Variants in EXOSC4 observed in about 807,000 individuals in gnomAD.
The protein encoded by EXOSC4 is exosome component 4.
EXOSC4 carries 14 observed loss-of-function variants against 20.0 expected under a neutral mutation model. The observed-to-expected ratio is 0.70, with a 90% confidence interval of 0.46 to 1.09. EXOSC4 has a LOEUF of 1.09. Among genes scored for constraint, EXOSC4 ranks in the 50% least tolerant of loss-of-function variants. EXOSC4 has a pLI of 0.00. For missense variants in EXOSC4, 337 were observed against 334.0 expected, an observed-to-expected ratio of 1.01 and a Z score of -0.07; for synonymous variants, 148 against 146.4, an observed-to-expected ratio of 1.01 and a Z score of -0.08.
At chr8:144,076,710 G>A (rs745465765), upstream of EXOSC4, among the ~76,000 whole-genome samples, 1 of 152,170 alleles carries the variant, frequency 6.6e-6, no homozygotes, top group Non-Finnish European at 1.5e-5. Context: ...GAGTTGCTAC[G>A]GTCAATGCTA....
At chr8:144,067,247 A>G in the EXOSC4 span, among the ~76,000 whole-genome samples, 3 of 152,252 alleles carry the variant, frequency 2.0e-5, no homozygotes, top group Non-Finnish European at 4.4e-5. Flanking sequence ...GACTGTGAAT[A>G]AGATGGACTT....
intron 1 of EXOSC4, chr8:144,079,512 T>C (rs1317120111): frequency 2.8e-6 from 1 of 352,928 alleles, no homozygotes; most frequent in Admixed American, 3.9e-5. Context: ...GCAAGGCACT[T>C]ATGCAGAGCA....
upstream of EXOSC4, among the ~76,000 whole-genome samples, chr8:144,074,373 C>G (rs1400518789): frequency 6.6e-6 from 1 of 152,004 alleles, no homozygotes; most frequent in Non-Finnish European, 1.5e-5. Flanking sequence ...ACAGTCACTT[C>G]CCGATACAGT....
chr8:144,064,278 C>T, the EXOSC4 span, among the ~76,000 whole-genome samples: 2 of 152,254 alleles, frequency 1.3e-5, no homozygotes, highest in East Asian at 3.8e-4. Flanking sequence ...CGCACCCACC[C>T]GTCTGACAGC....
upstream of EXOSC4, among the ~76,000 whole-genome samples, chr8:144,073,734 C>G (rs1835811410): frequency 6.6e-6 from 1 of 152,062 alleles, no homozygotes; most frequent in Non-Finnish European, 1.5e-5. Flanking sequence ...GCCTGTAATC[C>G]CAGCTACTTA....
chr8:144,066,980 G>A, the EXOSC4 span, among the ~76,000 whole-genome samples: 2 of 152,138 alleles, frequency 1.3e-5, no homozygotes, highest in East Asian at 1.9e-4. Flanking sequence ...CCAGCTACTC[G>A]GGAGGCTGAG....
At chr8:144,070,014 G>A in the EXOSC4 span, among the ~76,000 whole-genome samples, 2 of 152,264 alleles carry the variant, frequency 1.3e-5, no homozygotes, top group African/African-American at 2.4e-5. Flanking sequence ...CCGCCCGGGC[G>A]TGCCCAAAGC....
At chr8:144,079,437 G>A (rs1447827246) in intron 1 of EXOSC4, 2 of 323,380 alleles carry the variant, frequency 6.2e-6, no homozygotes, top group East Asian at 8.4e-5. Flanking sequence ...TAGCGCATGA[G>A]TGTGGGAGCT....
the EXOSC4 span, among the ~76,000 whole-genome samples, chr8:144,067,158 CA>C: frequency 6.6e-6 from 1 of 152,166 alleles, no homozygotes; most frequent in African/African-American, 2.4e-5. Context: ...CTCCGAAAGC[CA>C]GAGGGTAAAG....
At chr8:144,068,359 A>T in the EXOSC4 span, among the ~76,000 whole-genome samples, 1 of 152,170 alleles carries the variant, frequency 6.6e-6, no homozygotes, top group Non-Finnish European at 1.5e-5. Flanking sequence ...CCTTTATGAG[A>T]AATAAAGCTC....
the EXOSC4 span, among the ~76,000 whole-genome samples, chr8:144,070,250 G>A: frequency 6.6e-6 from 1 of 152,198 alleles, no homozygotes; most frequent in African/African-American, 2.4e-5. Context: ...AGAAGCTTGG[G>A]GGGCGTGGCT....
At chr8:144,079,244 C>G (rs1328862060) in intron 1 of EXOSC4, 3 of 251,496 alleles carry the variant, frequency 1.2e-5, no homozygotes, top group Admixed American at 5.1e-5. Context: ...CTACAATAAA[C>G]CCTTTGTTTT....
the EXOSC4 span, among the ~76,000 whole-genome samples, chr8:144,067,585 C>T: frequency 6.6e-6 from 1 of 152,214 alleles, no homozygotes; most frequent in Non-Finnish European, 1.5e-5. Flanking sequence ...ACACCTGACT[C>T]CTCAGAAGAA....
upstream of EXOSC4, among the ~76,000 whole-genome samples, chr8:144,076,883 T>C (rs578208827): frequency 6.6e-6 from 1 of 151,858 alleles, no homozygotes; most frequent in Non-Finnish European, 1.5e-5. Flanking sequence ...CTGGTCAACA[T>C]GGTGAAACCC....
the EXOSC4 span, among the ~76,000 whole-genome samples, chr8:144,066,095 C>A: frequency 1.3e-5 from 2 of 151,628 alleles, no homozygotes; most frequent in South Asian, 2.1e-4. Flanking sequence ...CAGCTCACTG[C>A]AAGCTCTGCC....
At chr8:144,070,789 T>C in the EXOSC4 span, among the ~76,000 whole-genome samples, 9 of 148,814 alleles carry the variant, frequency 6.0e-5, no homozygotes, top group East Asian at 1.2e-3. Flanking sequence ...GGTCGCACCA[T>C]TGCACTCCAG....
rs1273756823 is a variant in EXOSC4, at chr8:144,080,167, G to A, written c.378+18G>A. On this transcript the variant is annotated intron_variant, in intron 2 of 2. Coordinates refer to ENST00000316052, the MANE Select transcript of EXOSC4 (RefSeq NM_019037.3). The surrounding 1 kb of genome is among the most constrained non-coding windows in gnomAD (Gnocchi z 4.9). ...ATGTGCAGGTGAGCCAGCTGCAGCC[G>A]TCAATCCAGGGAGGGAAGGGTGTGA... The A allele has an allele frequency of 6.8e-6, 11 of 1,607,940 alleles. No homozygotes were observed. The highest frequency in any genetic ancestry group is 8.5e-6 in the Non-Finnish European group (10 of 1,175,422).
the EXOSC4 span, among the ~76,000 whole-genome samples, chr8:144,071,589 C>T: frequency 6.7e-6 from 1 of 149,664 alleles, no homozygotes; most frequent in African/African-American, 2.5e-5. Context: ...AGCCACTTCA[C>T]CCAGCCTAAA....
chr8:144,079,950 G>A lies in EXOSC4; in HGVS notation c.179G>A (p.Gly60Asp). The change falls in exon 2 of 3, where the codon GGC (glycine) becomes GAC (aspartate). Residue 60 changes from glycine (G) to aspartate (D), a missense_variant. Coordinates refer to ENST00000316052, the MANE Select transcript of EXOSC4 (RefSeq NM_019037.3). ...AVVYGPHEIR[G>D]SRARALPDRA... ...GTGTCTGTCCTCTTCCAGATCCGGG[G>A]CTCCCGGGCTCGAGCCCTGCCGGAC... 2 of 1,614,018 alleles carry A rather than the reference G, an allele frequency of 1.2e-6. No homozygotes were observed. The highest frequency in any genetic ancestry group is 1.7e-6 in the Non-Finnish European group (2 of 1,180,018).
Sources: allele counts gnomAD v4.1 joint callset (sites outside exome capture counted in the v4.1 genomes callset), GRCh38; gene constraint gnomAD v4.1.1; non-coding constraint Gnocchi (gnomAD v3.1); transcripts MANE v1.5; gene names NCBI Gene and HGNC (gene_info 2026-07-23, HGNC 2026-07-21).